LPIN3: variants seen among roughly 807,000 people sequenced by gnomAD.
The protein encoded by LPIN3 is phosphatidate phosphatase LPIN3.
A neutral mutation model predicts 94.7 loss-of-function variants in LPIN3; 82 were observed. That is an observed-to-expected ratio of 0.87 (90% CI 0.72 to 1.04). The LOEUF is 1.04. Among genes scored for constraint, LPIN3 ranks in the 50% least tolerant of loss-of-function variants. The pLI is 0.00. For synonymous variants in LPIN3, 418 were observed against 443.3 expected, an observed-to-expected ratio of 0.94 and a Z score of 0.72; for missense variants, 996 against 1,090.5, an observed-to-expected ratio of 0.91 and a Z score of 1.22.
chr20:41,348,856 C>T lies in LPIN3; in HGVS notation c.526C>T (p.Leu176=), dbSNP rs772404328. 8.7e-6 allele frequency: 14 copies of T among 1,607,402 alleles called. No homozygotes were observed. Among genetic ancestry groups the T allele is most frequent in the East Asian group, 2.2e-5 (1 of 44,652 alleles). ...GGCAGGCGCTGAGAGTGAGCTATCC[C>T]TGCCGGAAAAGCTGAGGCCAGAGCC... ...LEAGAESELS[L]PEKLRPEPPG... Residue 176 remains leucine, a synonymous_variant, in exon 4 of 20, where the codon CTG becomes TTG. Transcript: ENST00000373257.
In LPIN3 at chr20:41,350,439, C is replaced by T. The variant is rs578151964; in HGVS notation, c.1102+42C>T. 2.2e-4 allele frequency: 322 copies of T among 1,466,808 alleles called. 4 individuals carry two copies. The South Asian group carries it at 4.1e-3, about 19-fold the overall frequency. The allele number at this position is 1,466,808 out of a possible 1,614,324, so 90.9% of individuals were successfully genotyped here. Reference sequence around the variant, plus strand: ...CTCTCCCACTGCCTCCCTGGCCTCGCTCTGTCCCCTGGGTGGGTGCTGGGA... The same window carrying T: ...CTCTCCCACTGCCTCCCTGGCCTCGTTCTGTCCCCTGGGTGGGTGCTGGGA... On this transcript the variant is annotated intron_variant, in intron 7 of 19. Transcript: ENST00000373257.
chr20:41,344,633 G>A (rs1005437920), intron 1 of LPIN3, among the ~76,000 whole-genome samples: 2 of 152,222 alleles, frequency 1.3e-5, no homozygotes, highest in Non-Finnish European at 2.9e-5. Context: ...GCTTGGAGGA[G>A]GCTCTCATCA....
At chr20:41,358,595 G>C in intron 19 of LPIN3, 53 bp downstream of exon 19, 3 of 1,607,034 alleles carry the variant, frequency 1.9e-6, no homozygotes, top group Non-Finnish European at 2.6e-6. Flanking sequence ...CCCCTGCCCT[G>C]GCTTCTCCCT....
At chr20:41,342,357 TGGAGAAA>T (rs1181360155) in intron 1 of LPIN3, among the ~76,000 whole-genome samples, 1 of 152,004 alleles carries the variant, frequency 6.6e-6, no homozygotes, top group Non-Finnish European at 1.5e-5. Context: ...CTAGGACAGC[TGGAGAAA>T]GGAGGGGCTG....
At position 41,350,187 on chromosome 20, in the gene LPIN3, A is replaced by G; in HGVS notation, c.892A>G (p.Ile298Val). 5 of 1,613,488 alleles carry G rather than the reference A, an allele frequency of 3.1e-6. No individual in the cohort carries two copies. The highest frequency in any genetic ancestry group is 1.1e-5 in the South Asian group (1 of 91,062). The stretch of plus-strand genomic sequence containing the variant: ...CGGCGTGGACCCTTTGGGACTCCCA[A>G]TCCAGCAAACAGAGGCTGGTGCCGA... ...AGGVDPLGLP[I>V]QQTEAGADLQ... is the part of the protein sequence containing the mutation. The change falls in exon 7 of 20, where the codon ATC becomes GTC. Residue 298 changes from isoleucine (I) to valine (V), a missense_variant. Coordinates refer to ENST00000373257, the MANE Select transcript of LPIN3 (RefSeq NM_022896.3).
In LPIN3 at chr20:41,360,179, T is replaced by G. The variant is rs2046340898; in HGVS notation, c.*1313T>G. The G allele has an allele frequency of 6.6e-6, 1 of 152,530 alleles. No individual in the cohort carries two copies. The highest frequency in any genetic ancestry group is 1.5e-5 in the Non-Finnish European group (1 of 68,026). 9.4% of individuals were successfully genotyped at this position (152,530 alleles called of 1,614,324 possible). Reference sequence around the variant, plus strand: ...GGGAACTGCATAGGCCTGAGGAACATGCATTTTCAAGTTGTCCATTGATGG... The same window carrying G: ...GGGAACTGCATAGGCCTGAGGAACAGGCATTTTCAAGTTGTCCATTGATGG... On this transcript the variant is annotated 3_prime_UTR_variant, in exon 20 of 20. Transcript: ENST00000373257.
Position 41,349,826 on chromosome 20 carries a change from C to T in LPIN3, c.691C>T (p.Arg231Trp), listed in dbSNP as rs367858032. 17 of 1,613,508 alleles carry T rather than the reference C, an allele frequency of 1.1e-5. No homozygotes were observed. Among genetic ancestry groups the T allele is most frequent in the African/African-American group, 6.7e-5 (5 of 74,900 alleles). Residue 231 changes from arginine to tryptophan, a missense_variant, in exon 6 of 20, where the codon CGG (arginine) becomes TGG (tryptophan). Transcript: ENST00000373257. ...SPKSDSELEV[R>W]TPEPSPLRAE... ...TAAGAGCGACTCGGAGCTGGAGGTG[C>T]GGACCCCGGAGCCCAGTCCCCTAAG... is the stretch of plus-strand genomic sequence containing the variant.
At chr20:41,341,662 G>T (rs2045583219) in intron 1 of LPIN3, among the ~76,000 whole-genome samples, 1 of 152,206 alleles carries the variant, frequency 6.6e-6, no homozygotes. Flanking sequence ...TGCCACCATT[G>T]TGCATGGCCT....
rs576811860 is a variant in LPIN3 at position 41,356,122 on chromosome 20, C to T, written c.1803+88C>T. The T allele has an allele frequency of 2.0e-6, 3 of 1,534,124 alleles. No homozygotes were observed. In the Admixed American group the frequency reaches 5.5e-5, roughly 28 times the overall value. On this transcript the variant is annotated intron_variant, in intron 14 of 19. Transcript: ENST00000373257. ...CTCAGGACCTGGCTGAGAAATGGCT[C>T]CAGGGAGCCACATGTTCACCAAAGG...
chr20:41,358,301 T>C lies in LPIN3; in HGVS notation c.2257T>C (p.Phe753Leu). Residue 753 changes from phenylalanine to leucine, a missense_variant, in exon 18 of 20, where the codon TTT (phenylalanine) becomes CTT (leucine). By Grantham distance (22) the Phe-to-Leu change is conservative. Coordinates refer to ENST00000373257, the MANE Select transcript of LPIN3 (RefSeq NM_022896.3). The stretch of plus-strand genomic sequence containing the variant: ...CTGCCTGAGTGACATCCAGCAGCTG[T>C]TTCTGCCCCACGGACAGCCCTTCTA... ...VACLSDIQQLFLPHGQPFYAA... is the reference protein window; with the variant it reads ...VACLSDIQQLLLPHGQPFYAA... 6.2e-7 allele frequency: 1 copy of C among 1,614,124 alleles called. No homozygotes were observed.
rs1162689400 is a variant in LPIN3, at chr20:41,358,968, T to C, written c.*102T>C. 2 of 1,433,498 alleles carry C rather than the reference T, an allele frequency of 1.4e-6. No homozygotes were observed. The highest frequency in any genetic ancestry group is 1.9e-6 in the Non-Finnish European group (2 of 1,059,370). 88.8% of individuals were successfully genotyped at this position (1,433,498 alleles called of 1,614,324 possible). On this transcript the variant is annotated 3_prime_UTR_variant, in exon 20 of 20. Transcript: ENST00000373257. ...TTGGAGTGTCATGGGGCAAACCCAC[T>C]GAAGGGGAAGGAGGAGGCTGCAGGT...
Position 41,340,823 on chromosome 20 carries a change from A to T in LPIN3, c.-188A>T, listed in dbSNP as rs1284467554. 1 of 152,264 alleles carries T rather than the reference A, an allele frequency of 6.6e-6. No homozygotes were observed. The highest frequency in any genetic ancestry group is 1.5e-5 in the Non-Finnish European group (1 of 68,122). The allele number at this position is 152,264 out of a possible 1,614,324, so 9.4% of individuals were successfully genotyped here. On this transcript the variant is annotated 5_prime_UTR_variant, in exon 1 of 20. Coordinates refer to ENST00000373257, the MANE Select transcript of LPIN3 (RefSeq NM_022896.3). Reference sequence around the variant, plus strand: ...TTTCCAGGGAGTGGAGCCTGGGCAGATTGGGGCCTGTGGAGGCCGCACTAG... The same window carrying T: ...TTTCCAGGGAGTGGAGCCTGGGCAGTTTGGGGCCTGTGGAGGCCGCACTAG...
chr20:41,355,518 C>T (rs1221416215), intron 13 of LPIN3, among the ~76,000 whole-genome samples: 1 of 152,204 alleles, frequency 6.6e-6, no homozygotes, highest in African/African-American at 2.4e-5. Flanking sequence ...TTCTTTTCCA[C>T]ATCTGAAGTG....
chr20:41,353,336 G>A (rs2046092762), intron 11 of LPIN3, among the ~76,000 whole-genome samples: 1 of 152,182 alleles, frequency 6.6e-6, no homozygotes, highest in Admixed American at 6.5e-5. Flanking sequence ...TATGTCCCAG[G>A]CCTAGGCTGG....
Position 41,350,054 on chromosome 20 carries a change from G to A in LPIN3, c.760-1G>A. The A allele has an allele frequency of 6.3e-7, 1 of 1,590,538 alleles. No homozygotes were observed. The highest frequency in any genetic ancestry group is 8.6e-7 in the Non-Finnish European group (1 of 1,165,778). On this transcript the variant is annotated splice_acceptor_variant, in intron 6 of 19. Coordinates refer to ENST00000373257, the MANE Select transcript of LPIN3 (RefSeq NM_022896.3). LOFTEE classifies it high-confidence loss of function. The stretch of plus-strand genomic sequence containing the variant: ...ATCTTCCTCCATTTGTTCCACTAAA[G>A]GTGGCCAGAGCTGAGCGGCCCGAGT...
Position 41,345,856 on chromosome 20 carries a change from T to A in LPIN3, c.53T>A (p.Leu18Gln). 6.2e-7 allele frequency: 1 copy of A among 1,614,172 alleles called. No homozygotes were observed. The highest frequency in any genetic ancestry group is 8.5e-7 in the Non-Finnish European group (1 of 1,180,010). The change falls in exon 2 of 20, where the codon CTG (leucine) becomes CAG (glutamine). Residue 18 changes from leucine to glutamine, a missense_variant. By Grantham distance (113) the Leu-to-Gln change is moderately radical (BLOSUM62 -2). Coordinates refer to ENST00000373257, the MANE Select transcript of LPIN3 (RefSeq NM_022896.3). Reference sequence around the variant, plus strand: ...ACGGTGTTTGGGACGGTGAAGGAGCTGTACCGGGGCCTGAACCCAGCCACA... The same window carrying A: ...ACGGTGTTTGGGACGGTGAAGGAGCAGTACCGGGGCCTGAACCCAGCCACA... ...AETVFGTVKE[L>Q]YRGLNPATLS...
intron 3 of LPIN3, among the ~76,000 whole-genome samples, chr20:41,347,967 G>T (rs1488958489): frequency 1.3e-5 from 2 of 152,242 alleles, no homozygotes; most frequent in East Asian, 3.8e-4. Flanking sequence ...GGAGGCGGGA[G>T]CTGAAGAAAG....
intron 1 of LPIN3, among the ~76,000 whole-genome samples, chr20:41,341,993 A>G (rs1240951435): frequency 6.6e-6 from 1 of 152,106 alleles, no homozygotes; most frequent in African/African-American, 2.4e-5. Flanking sequence ...ATAAATAAAT[A>G]AAAGAAGTCC....
At position 41,355,923 on chromosome 20, in the gene LPIN3, T is replaced by G; in HGVS notation, c.1692T>G (p.Asp564Glu). 6 of 1,614,124 alleles carry G rather than the reference T, an allele frequency of 3.7e-6. No homozygotes were observed. Among genetic ancestry groups the G allele is most frequent in the Middle Eastern group, 1.7e-4 (1 of 6,060 alleles). The change falls in exon 14 of 20, where the codon GAT becomes GAG. Residue 564 changes from aspartate (D) to glutamate (E), a missense_variant. Transcript: ENST00000373257. ...QGEKTEVLSS[D>E]DDAPDSPVIL... ...AGAAGACAGAAGTCCTGAGCAGTGATGACGATGCCCCAGACAGCCCTGTGA... is the reference window on the plus strand; with the variant it reads ...AGAAGACAGAAGTCCTGAGCAGTGAGGACGATGCCCCAGACAGCCCTGTGA...
Sources: allele counts gnomAD v4.1 joint callset (sites outside exome capture counted in the v4.1 genomes callset), GRCh38; gene constraint gnomAD v4.1.1; transcripts MANE v1.5; gene names NCBI Gene and HGNC (gene_info 2026-07-23, HGNC 2026-07-21).